The following NTRK2 variants were observed in gnomAD, a reference collection of about 807,000 sequenced individuals.
NTRK2 encodes BDNF/NT-3 growth factors receptor.
A neutral mutation model predicts 94.5 loss-of-function variants in NTRK2; 13 were observed. The observed-to-expected ratio is 0.14, with a 90% confidence interval of 0.09 to 0.22. The LOEUF is 0.22. Among genes scored for constraint, NTRK2 ranks in the 10% least tolerant of loss-of-function variants. NTRK2 has a pLI of 1.00. For synonymous variants in NTRK2, 372 were observed against 407.4 expected (o/e 0.91, Z 1.05); for missense variants, 639 against 1,071.2 (o/e 0.60, Z 5.63).
intron 12 of NTRK2, among the ~76,000 whole-genome samples, chr9:84,753,289 A>G (rs543947086): frequency 6.6e-6 from 1 of 152,204 alleles, no homozygotes; most frequent in South Asian, 2.1e-4. Context: ...ACCACCCCAC[A>G]GTGATTTTAA....
At chr9:84,916,486 C>T (rs1451808540) in intron 14 of NTRK2, among the ~76,000 whole-genome samples, 1 of 152,146 alleles carries the variant, frequency 6.6e-6, no homozygotes, top group African/African-American at 2.4e-5. Context: ...AACATAATGT[C>T]CCATGCAGGC....
At chr9:84,767,224 T>C (rs1483435382) in intron 12 of NTRK2, among the ~76,000 whole-genome samples, 2 of 152,212 alleles carry the variant, frequency 1.3e-5, no homozygotes, top group African/African-American at 2.4e-5. Context: ...TTAGTTGCTA[T>C]TGGGAGAAAA....
At chr9:84,967,170 A>G (rs976114181) in intron 17 of NTRK2, among the ~76,000 whole-genome samples, 9 of 152,184 alleles carry the variant, frequency 5.9e-5, no homozygotes, top group African/African-American at 1.7e-4. Context: ...GTTGTCAAAG[A>G]CATCATGAGG....
At chr9:84,789,301 G>T (rs2068472574) in intron 12 of NTRK2, among the ~76,000 whole-genome samples, 2 of 152,168 alleles carry the variant, frequency 1.3e-5, no homozygotes, top group Admixed American at 1.3e-4. Context: ...TGGCTGAGCT[G>T]CTGGGGAACA....
At chr9:84,853,811 G>A (rs1587685847) in intron 12 of NTRK2, among the ~76,000 whole-genome samples, 2 of 152,178 alleles carry the variant, frequency 1.3e-5, no homozygotes, top group African/African-American at 4.8e-5. Flanking sequence ...TCTGGGGGTG[G>A]TGGCTCATGC....
At chr9:84,730,783 C>CCAAAAAA (rs2062819591) in intron 9 of NTRK2, among the ~76,000 whole-genome samples, 1 of 24,138 alleles carries the variant, frequency 4.1e-5, no homozygotes, top group Non-Finnish European at 6.7e-5. Context: ...AAACAAATAG[C>CCAAAAAA]AAAAAAAAAA....
At chr9:84,882,068 A>C (rs1160849570) in intron 14 of NTRK2, among the ~76,000 whole-genome samples, 1 of 152,222 alleles carries the variant, frequency 6.6e-6, no homozygotes, top group Non-Finnish European at 1.5e-5. Flanking sequence ...ACATACAACT[A>C]CTAGGCAGGA....
chr9:84,775,111 T>C (rs1353780689), intron 12 of NTRK2, among the ~76,000 whole-genome samples: 1 of 152,210 alleles, frequency 6.6e-6, no homozygotes, highest in African/African-American at 2.4e-5. Context: ...CTGATGACAG[T>C]CTTAAATAAT....
chr9:84,821,114 TTCTC>T (rs968628242), intron 12 of NTRK2, among the ~76,000 whole-genome samples: 1 of 152,176 alleles, frequency 6.6e-6, no homozygotes, highest in Non-Finnish European at 1.5e-5. Flanking sequence ...TTTTTTTTAT[TTCTC>T]TTTTATCTTT....
chr9:84,695,771 C>T (rs541679397), intron 2 of NTRK2, among the ~76,000 whole-genome samples: 7 of 152,248 alleles, frequency 4.6e-5, no homozygotes, highest in African/African-American at 1.7e-4. Flanking sequence ...TATATATTTC[C>T]AATAATTTTT....
chr9:84,888,611 CAAAAAAAAAAAAAAAAAAA>C (rs71369158), intron 14 of NTRK2, among the ~76,000 whole-genome samples: 29 of 33,846 alleles, frequency 8.6e-4, no homozygotes, highest in East Asian at 5.4e-3. Context: ...CACTCCATCT[CAAAAAAAAAAAAAAAAAAA>C]AAAAAAAAAA....
chr9:84,692,836 T>C (rs1160733998), intron 2 of NTRK2, among the ~76,000 whole-genome samples: 2 of 139,666 alleles, frequency 1.4e-5, no homozygotes, highest in Admixed American at 7.2e-5. Context: ...TAGAGATTGC[T>C]ATGCATGGGA....
intron 11 of NTRK2, among the ~76,000 whole-genome samples, chr9:84,747,804 T>C (rs953475445): frequency 1.2e-4 from 19 of 152,102 alleles, no homozygotes; most frequent in Admixed American, 5.9e-4. Context: ...AAAATACAAA[T>C]GATAAATTTA....
chr9:84,834,961 G>A (rs2073786555), intron 12 of NTRK2, among the ~76,000 whole-genome samples: 1 of 152,216 alleles, frequency 6.6e-6, no homozygotes, highest in South Asian at 2.1e-4. Flanking sequence ...ACTAAAAGCA[G>A]TGGCATTTTT....
intron 12 of NTRK2, among the ~76,000 whole-genome samples, chr9:84,782,673 A>G (rs2067711146): frequency 6.6e-6 from 1 of 152,158 alleles, no homozygotes; most frequent in African/African-American, 2.4e-5. Context: ...GCTGATAAAT[A>G]CCATTGTACT....
intron 14 of NTRK2, among the ~76,000 whole-genome samples, chr9:84,888,700 A>G (rs1188094588): frequency 7.1e-6 from 1 of 141,412 alleles, no homozygotes; most frequent in Non-Finnish European, 1.5e-5. Context: ...AAGCCACCCC[A>G]GGGACTTCTG....
At chr9:84,797,743 A>AATATATATATTATATATACTATAATAAT (rs371543163) in intron 12 of NTRK2, among the ~76,000 whole-genome samples, 1 of 10,580 alleles carries the variant, frequency 9.5e-5, no homozygotes, top group Non-Finnish European at 2.5e-4. Context: ...TATATACTAT[A>AATATATATATTATATATACTATAATAAT]ATATATATTA....
At chr9:84,707,434 C>A (rs2061174782) in intron 4 of NTRK2, among the ~76,000 whole-genome samples, 1 of 152,084 alleles carries the variant, frequency 6.6e-6, no homozygotes, top group Admixed American at 6.5e-5. Context: ...TTCAAAATAT[C>A]CATGATGCTC....
intron 12 of NTRK2, among the ~76,000 whole-genome samples, chr9:84,773,644 G>A (rs958889574): frequency 2.0e-5 from 3 of 151,972 alleles, no homozygotes; most frequent in Non-Finnish European, 4.4e-5. Flanking sequence ...TCTGAAGTTC[G>A]CTGTAGGAAA....
Sources: gnomAD v4.1 joint callset for allele counts (sites outside exome capture counted in the v4.1 genomes callset) on GRCh38, gnomAD v4.1.1 for gene constraint, MANE v1.5 for transcripts, NCBI Gene and HGNC (gene_info 2026-07-23, HGNC 2026-07-21) for gene names.